The following STK32B variants were observed in gnomAD, a reference collection of about 807,000 sequenced individuals.
STK32B encodes the protein serine/threonine kinase 32B.
Under a neutral mutation model 52.6 loss-of-function variants are expected in STK32B, and 43 were observed. That is an observed-to-expected ratio of 0.82 (90% confidence interval 0.64 to 1.05). STK32B has a LOEUF of 1.05. Among genes scored for constraint, STK32B ranks in the 50% least tolerant of loss-of-function variants. The pLI, the probability that STK32B is intolerant of heterozygous loss-of-function variation, is 0.00. For synonymous variants in STK32B, 238 were observed against 204.3 expected (o/e 1.17, Z -1.41); for missense variants, 621 against 534.6 (o/e 1.16, Z -1.59).
Position 5,051,655 on chromosome 4 carries a change from G to A in STK32B, c.-209G>A. On this transcript the variant is annotated 5_prime_UTR_variant, in exon 1 of 12. Coordinates refer to ENST00000282908, the MANE Select transcript of STK32B (RefSeq NM_018401.3). ...GCACGGCGGAAGGCGCGGCGAGAGC[G>A]GGGTCCCTGCGAGCGCAGTCGGAAG... 4 of 566,922 alleles carry A rather than the reference G, an allele frequency of 7.1e-6. No individual in the cohort carries two copies. Among genetic ancestry groups the A allele is most frequent in the South Asian group, 2.4e-5 (1 of 40,932 alleles). 35.1% of individuals were successfully genotyped at this position (566,922 alleles called of 1,614,324 possible). A position where few individuals can be genotyped will look rare whatever the true frequency, so the allele number is the denominator to read the frequency against.
intron 1 of STK32B, among the ~76,000 whole-genome samples, chr4:5,132,546 G>A (rs374976844): frequency 8.5e-5 from 13 of 152,230 alleles, no homozygotes; most frequent in East Asian, 1.9e-4. Context: ...AGCAGAAGTC[G>A]CAGTAATATG....
chr4:5,353,762 A>G (rs1733998455), intron 4 of STK32B, among the ~76,000 whole-genome samples: 1 of 152,198 alleles, frequency 6.6e-6, no homozygotes, highest in African/African-American at 2.4e-5. Context: ...GAGGATGTAA[A>G]GAAAAGAGAC....
intron 3 of STK32B, among the ~76,000 whole-genome samples, chr4:5,316,427 A>G (rs1377459769): frequency 2.6e-4 from 6 of 23,332 alleles, no homozygotes; most frequent in Non-Finnish European, 3.2e-4. Context: ...TATTACATAT[A>G]TAATATATAA....
chr4:5,020,429 T>G, the STK32B span, among the ~76,000 whole-genome samples: 1 of 152,170 alleles, frequency 6.6e-6, no homozygotes, highest in African/African-American at 2.4e-5. Flanking sequence ...AGGCCCATTG[T>G]GTGTTTCCAA....
At chr4:5,232,404 A>G (rs1017988735) in intron 3 of STK32B, among the ~76,000 whole-genome samples, 2 of 152,350 alleles carry the variant, frequency 1.3e-5, no homozygotes, top group East Asian at 1.9e-4. Flanking sequence ...ACTCTACCGA[A>G]TCACAGACAC....
intron 5 of STK32B, among the ~76,000 whole-genome samples, chr4:5,409,430 A>G (rs1737878596): frequency 6.6e-6 from 1 of 152,120 alleles, no homozygotes; most frequent in Admixed American, 6.5e-5. Context: ...CATGCTCAAT[A>G]CTGTGAGATA....
chr4:5,153,085 A>G (rs577948273), intron 2 of STK32B, among the ~76,000 whole-genome samples: 1 of 152,188 alleles, frequency 6.6e-6, no homozygotes, highest in East Asian at 1.9e-4. Flanking sequence ...AGCCTGTTTT[A>G]TTTTCAAATG....
chr4:5,195,728 A>G (rs1721596255), intron 3 of STK32B, among the ~76,000 whole-genome samples: 1 of 152,192 alleles, frequency 6.6e-6, no homozygotes, highest in South Asian at 2.1e-4. Flanking sequence ...GTTCTAGATG[A>G]TAATTCTGTG....
At chr4:5,175,590 A>G (rs989198272) in intron 3 of STK32B, among the ~76,000 whole-genome samples, 1 of 152,226 alleles carries the variant, frequency 6.6e-6, no homozygotes, top group Non-Finnish European at 1.5e-5. Flanking sequence ...TTCCCTGGGT[A>G]TCAGCAGCAG....
At chr4:5,119,092 T>G (rs1714888460) in intron 1 of STK32B, among the ~76,000 whole-genome samples, 1 of 152,208 alleles carries the variant, frequency 6.6e-6, no homozygotes, top group South Asian at 2.1e-4. Flanking sequence ...GTTTTCCACA[T>G]AAAAGGGTAA....
chr4:5,211,666 T>C (rs1419160843), intron 3 of STK32B, among the ~76,000 whole-genome samples: 2 of 152,156 alleles, frequency 1.3e-5, no homozygotes, highest in Admixed American at 1.3e-4. Context: ...TCTCTTCTGT[T>C]AACTCACCAT....
intron 2 of STK32B, 136 bp from the exon 3 acceptor site, chr4:5,168,160 TAGC>T: frequency 1.8e-6 from 2 of 1,129,492 alleles, no homozygotes; most frequent in Non-Finnish European, 2.5e-6. Context: ...GTGCCTAACT[TAGC>T]AGAGCTGCTC....
intron 3 of STK32B, among the ~76,000 whole-genome samples, chr4:5,243,653 T>C (rs1038430903): frequency 9.2e-5 from 14 of 152,210 alleles, no homozygotes; most frequent in African/African-American, 3.4e-4. Flanking sequence ...CCCTGTCTTG[T>C]GCCAGTTTTC....
intron 3 of STK32B, among the ~76,000 whole-genome samples, chr4:5,209,415 G>C (rs917752696): frequency 6.6e-6 from 1 of 150,952 alleles, no homozygotes; most frequent in Non-Finnish European, 1.5e-5. Context: ...GTAGAGATGG[G>C]GTGTTGCTAT....
intron 11 of STK32B, among the ~76,000 whole-genome samples, chr4:5,496,096 C>T (rs938010267): frequency 1.3e-5 from 2 of 152,224 alleles, no homozygotes; most frequent in African/African-American, 4.8e-5. Flanking sequence ...AGAACCACTG[C>T]TCTCTTCAAA....
intron 3 of STK32B, among the ~76,000 whole-genome samples, chr4:5,243,436 C>T (rs887231991): frequency 6.6e-6 from 1 of 152,148 alleles, no homozygotes; most frequent in South Asian, 2.1e-4. Flanking sequence ...TCTGTATCCT[C>T]AGACTTTGCT....
chr4:5,275,334 A>G (rs1040795067), intron 3 of STK32B, among the ~76,000 whole-genome samples: 3 of 152,162 alleles, frequency 2.0e-5, no homozygotes, highest in Admixed American at 6.5e-5. Context: ...ATCTTATTTT[A>G]TGGTAGATAA....
chr4:5,056,398 CT>C (rs1416405684), intron 1 of STK32B, among the ~76,000 whole-genome samples: 2 of 152,152 alleles, frequency 1.3e-5, no homozygotes, highest in Non-Finnish European at 2.9e-5. Context: ...CTTCTGTATC[CT>C]TAAGGCCTAA....
intron 4 of STK32B, among the ~76,000 whole-genome samples, chr4:5,385,249 G>A (rs934818877): frequency 6.6e-6 from 1 of 152,076 alleles, no homozygotes; most frequent in African/African-American, 2.4e-5. Flanking sequence ...AGAGGGACCT[G>A]ATGCTGACTG....
Sources: allele counts gnomAD v4.1 joint callset (sites outside exome capture counted in the v4.1 genomes callset), GRCh38; gene constraint gnomAD v4.1.1; transcripts MANE v1.5; gene names NCBI Gene and HGNC (gene_info 2026-07-23, HGNC 2026-07-21).